Variants in ABCB11 observed in about 807,000 individuals in gnomAD.
ABCB11 encodes the protein bile salt export pump.
Under a neutral mutation model 148.0 loss-of-function variants are expected in ABCB11, and 95 were observed. That is an observed-to-expected ratio of 0.64 (90% CI 0.54 to 0.76). ABCB11 has a LOEUF of 0.76. ABCB11 is among the 30% of genes least tolerant of loss of function. The probability of loss-of-function intolerance (pLI) is 0.00; values close to 1 mark genes in which losing one functional copy is unlikely to be tolerated. For synonymous variants in ABCB11, 591 were observed against 555.4 expected (o/e 1.06, Z -0.90); for missense variants, 1,523 against 1,617.8 (o/e 0.94, Z 1.01).
At chr2:168,957,386 G>A (rs1261886205) in intron 19 of ABCB11, among the ~76,000 whole-genome samples, 5 of 151,716 alleles carry the variant, frequency 3.3e-5, no homozygotes, top group Admixed American at 3.3e-4. Flanking sequence ...TTATTATGAT[G>A]ATTACAGCAA....
chr2:169,008,783 A>C (rs555554770), intron 5 of ABCB11, among the ~76,000 whole-genome samples: 15 of 152,204 alleles, frequency 9.9e-5, no homozygotes, highest in Non-Finnish European at 1.8e-4. Flanking sequence ...CAGCAATTCC[A>C]CACTTAGACA....
downstream of ABCB11, among the ~76,000 whole-genome samples, chr2:168,917,262 A>T (rs901490938): frequency 6.6e-6 from 1 of 152,144 alleles, no homozygotes; most frequent in African/African-American, 2.4e-5. Context: ...CATTTCTAAT[A>T]TATGGGCATC....
rs1691174446 is a variant in ABCB11 at position 168,923,724 on chromosome 2, G to A, written c.3864C>T (p.Val1288=). Residue 1288 remains valine, a synonymous_variant, in exon 28 of 28, where the codon GTC becomes GTT. Transcript: ENST00000650372. ...TTTCAATCACCACCCCCTGTGCCAT[G>A]ACAGCAATGATATCCGCGTTCTGGA... is the stretch of plus-strand genomic sequence containing the variant. The part of the protein sequence containing the change: ...STIQNADIIA[V]MAQGVVIEKG... 1 of 1,613,818 alleles carries A rather than the reference G, an allele frequency of 6.2e-7. No individual in the cohort carries two copies. Among genetic ancestry groups the A allele is most frequent in the Non-Finnish European group, 8.5e-7 (1 of 1,179,866 alleles).
At chr2:169,029,508 T>C (rs1558936707) in intron 1 of ABCB11, among the ~76,000 whole-genome samples, 1 of 152,108 alleles carries the variant, frequency 6.6e-6, no homozygotes, top group African/African-American at 2.4e-5. Context: ...TGACCCAGTC[T>C]GGGAATAGAC....
At position 169,028,316 on chromosome 2, in the gene ABCB11, G is replaced by A. The variant is rs1695761517; in HGVS notation, c.-28+2909C>T. Among the ~76,000 whole-genome samples the A allele has an allele frequency of 2.0e-5, 3 of 152,134 alleles. No individual in the cohort carries two copies. In the South Asian group the frequency reaches 6.2e-4, roughly 32 times the overall value. On this transcript the variant is annotated intron_variant, in intron 1 of 27. Coordinates refer to ENST00000650372, the MANE Select transcript of ABCB11 (RefSeq NM_003742.4). ...TATCTGGGAAATTAGGCGTCAAGCA[G>A]GATGGCAGTGAGGAAAGGGGAAATA... is the stretch of plus-strand genomic sequence containing the variant.
intron 1 of ABCB11, among the ~76,000 whole-genome samples, chr2:169,021,409 A>G (rs1171949038): frequency 6.6e-6 from 1 of 152,216 alleles, no homozygotes; most frequent in East Asian, 1.9e-4. Flanking sequence ...CCATGTTCAA[A>G]ACAATAATGG....
chr2:168,945,928 G>T (rs1270691870), intron 19 of ABCB11, among the ~76,000 whole-genome samples: 1 of 151,824 alleles, frequency 6.6e-6, no homozygotes, highest in Non-Finnish European at 1.5e-5. Flanking sequence ...CTCACCAGAA[G>T]CTGAAACATT....
At chr2:168,962,855 T>A (rs1693135335) in intron 18 of ABCB11, among the ~76,000 whole-genome samples, 1 of 151,698 alleles carries the variant, frequency 6.6e-6, no homozygotes, top group Non-Finnish European at 1.5e-5. Flanking sequence ...GCTTGCTAAA[T>A]GTGTTTTCTC....
At chr2:169,022,882 C>T (rs1209653906) in intron 1 of ABCB11, among the ~76,000 whole-genome samples, 1 of 151,916 alleles carries the variant, frequency 6.6e-6, no homozygotes, top group Admixed American at 6.6e-5. Context: ...AATAATTAAT[C>T]ATTTTCATAA....
At chr2:168,996,583 G>A (rs1302374676) in intron 6 of ABCB11, 52 bp downstream of exon 6, 4 of 1,088,678 alleles carry the variant, frequency 3.7e-6, no homozygotes, top group Non-Finnish European at 5.1e-6. Context: ...TCTCATTGTA[G>A]TGTCTTTGAG....
At position 169,005,119 on chromosome 2, in the gene ABCB11, T is replaced by C. The variant is rs60487755; in HGVS notation, c.389+8153A>G. Among the ~76,000 whole-genome samples the C allele has an allele frequency of 0.015, 2,245 of 152,150 alleles. 242 individuals are homozygous for C. The East Asian group carries it at 0.29, about 20-fold the overall frequency. On this transcript the variant is annotated intron_variant, in intron 5 of 27. Transcript: ENST00000650372. ...GTTTTTATTTAGTGTGTTGGTTTTA[T>C]GTTGGTTGGCCTCTAGCTAGGAGGT...
rs563545836 is a variant in ABCB11 at position 168,949,325 on chromosome 2, G to A, written c.2344-4364C>T. Among the ~76,000 whole-genome samples the A allele has an allele frequency of 4.0e-5, 6 of 151,682 alleles. No homozygotes were observed. In the East Asian group the frequency reaches 5.9e-4, roughly 15 times the overall value. The stretch of plus-strand genomic sequence containing the variant: ...TGAATAGTGAACATTGTACCCAATA[G>A]GCAATTTTTCAACCTTCATCTCCCT... On this transcript the variant is annotated intron_variant, in intron 19 of 27. Coordinates refer to ENST00000650372, the MANE Select transcript of ABCB11 (RefSeq NM_003742.4).
At chr2:169,027,051 C>A (rs1695721252) in intron 1 of ABCB11, among the ~76,000 whole-genome samples, 1 of 152,240 alleles carries the variant, frequency 6.6e-6, no homozygotes, top group Non-Finnish European at 1.5e-5. Context: ...AACAAATTTA[C>A]AATAACAAAA....
At chr2:168,954,710 CT>C (rs1692715750) in intron 19 of ABCB11, among the ~76,000 whole-genome samples, 1 of 151,568 alleles carries the variant, frequency 6.6e-6, no homozygotes, top group South Asian at 2.1e-4. Flanking sequence ...TGGTGAATTC[CT>C]TTTTGTAATG....
At position 169,030,743 on chromosome 2, in the gene ABCB11, C is replaced by T. The variant is rs570794440; in HGVS notation, c.-28+482G>A. On this transcript the variant is annotated intron_variant, in intron 1 of 27. Transcript: ENST00000650372. ...TTTTTGCATCTATATTTTTGAAAACCGGGACAATGAAGAAATGAGTACGGT... is the reference window on the plus strand; with the variant it reads ...TTTTTGCATCTATATTTTTGAAAACTGGGACAATGAAGAAATGAGTACGGT... Among the ~76,000 whole-genome samples the T allele has an allele frequency of 1.2e-4, 18 of 151,984 alleles. No homozygotes were observed. The South Asian group carries it at 1.5e-3, about 12-fold the overall frequency.
intron 19 of ABCB11, among the ~76,000 whole-genome samples, chr2:168,952,437 C>T (rs907693832): frequency 6.6e-6 from 1 of 151,356 alleles, no homozygotes; most frequent in Non-Finnish European, 1.5e-5. Flanking sequence ...TTTTCTATTT[C>T]TTCCTGATTT....
Position 168,964,255 on chromosome 2 carries a change from G to A in ABCB11, c.2129C>T (p.Pro710Leu), listed in dbSNP as rs943294340. 3 of 1,570,832 alleles carry A rather than the reference G, an allele frequency of 1.9e-6. No individual in the cohort carries two copies. Among genetic ancestry groups the A allele is most frequent in the Non-Finnish European group, 2.6e-6 (3 of 1,156,208 alleles). ...KSQLSYLVHE[P>L]PLAVVDHKST... Reference sequence around the variant, plus strand: ...CTTATGATCTACAACAGCTAATGGAGGTTCGTGCACCAGGTAAGAAAGCTG... The same window carrying A: ...CTTATGATCTACAACAGCTAATGGAAGTTCGTGCACCAGGTAAGAAAGCTG... The change falls in exon 18 of 28, where the codon CCT (proline) becomes CTT (leucine). Residue 710 changes from proline (P) to leucine (L), a missense_variant. By Grantham distance (98) the Pro-to-Leu change is moderately conservative. Coordinates refer to ENST00000650372, the MANE Select transcript of ABCB11 (RefSeq NM_003742.4).
intron 5 of ABCB11, among the ~76,000 whole-genome samples, chr2:169,010,533 G>C (rs1182048874): frequency 1.3e-5 from 2 of 152,094 alleles, no homozygotes; most frequent in South Asian, 2.1e-4. Flanking sequence ...AAAATTATTG[G>C]GTTGTCTTGT....
At chr2:168,966,415 T>C (rs1558891469) in intron 17 of ABCB11, among the ~76,000 whole-genome samples, 1 of 151,876 alleles carries the variant, frequency 6.6e-6, no homozygotes, top group Non-Finnish European at 1.5e-5. Context: ...ATTCGAGCTG[T>C]CTAGCCTAGG....
Sources: allele counts gnomAD v4.1 joint callset (sites outside exome capture counted in the v4.1 genomes callset), GRCh38; gene constraint gnomAD v4.1.1; transcripts MANE v1.5; gene names NCBI Gene and HGNC (gene_info 2026-07-23, HGNC 2026-07-21).